ZNF451: variants seen among roughly 807,000 people sequenced by gnomAD.
ZNF451 encodes the protein zinc finger protein 451.
Under a neutral mutation model 107.1 loss-of-function variants are expected in ZNF451, and 80 were observed. The ratio of observed to expected loss-of-function variants is 0.75; its 90% CI spans 0.62 to 0.90. The LOEUF is 0.90. ZNF451 is among the 40% of genes least tolerant of loss of function. The probability of loss-of-function intolerance (pLI) is 0.00; values close to 1 mark genes in which losing one functional copy is unlikely to be tolerated. For synonymous variants in ZNF451, 362 were observed against 406.5 expected, an observed-to-expected ratio of 0.89 and a Z score of 1.32; for missense variants, 1,107 against 1,236.2, an observed-to-expected ratio of 0.90 and a Z score of 1.57.
At chr6:57,124,368 A>C in intron 3 of ZNF451, 1 of 706,254 alleles carries the variant, frequency 1.4e-6, no homozygotes, top group Non-Finnish European at 2.6e-6. Flanking sequence ...TCCTGCTAGA[A>C]GGTTTCTGCT....
In ZNF451 at chr6:57,148,664, T is replaced by C. The variant is rs747359026; in HGVS notation, c.2579T>C (p.Val860Ala). 1.2e-6 allele frequency: 2 copies of C among 1,612,198 alleles called. No individual in the cohort carries two copies. The highest frequency in any genetic ancestry group is 8.5e-7 in the Non-Finnish European group (1 of 1,179,264). The change falls in exon 10 of 15, where the codon GTT becomes GCT. Residue 860 changes from valine (V) to alanine (A), a missense_variant. By Grantham distance (64) the Val-to-Ala change is moderately conservative. Around this residue, in one of 5 missense-constraint regions of ZNF451, gnomAD observed 608 missense variants for 649.2 expected, o/e 0.94. Coordinates refer to ENST00000370706, the MANE Select transcript of ZNF451 (RefSeq NM_001031623.3). The stretch of plus-strand genomic sequence containing the variant: ...AAAAGTTTAGACATGGAGAAAGGAG[T>C]TGAGAATGACCTAAGCTATCAGAAT... ...YSKSLDMEKG[V>A]ENDLSYQNIE...
At chr6:57,118,118 C>T (rs1830458708) in intron 3 of ZNF451, among the ~76,000 whole-genome samples, 1 of 152,126 alleles carries the variant, frequency 6.6e-6, no homozygotes, top group Admixed American at 6.5e-5. Context: ...AAATTTTCTG[C>T]AGCTTCTAGT....
In ZNF451 at chr6:57,162,255, C is replaced by T. The variant is rs190865939; in HGVS notation, c.3139+1103C>T. On this transcript the variant is annotated intron_variant, in intron 14 of 14. Coordinates refer to ENST00000370706, the MANE Select transcript of ZNF451 (RefSeq NM_001031623.3). ...ACTAAACACACACAAACAGAATGGCCCAACTGGTATGTTTTCTTTGCATTT... is the reference window on the plus strand; with the variant it reads ...ACTAAACACACACAAACAGAATGGCTCAACTGGTATGTTTTCTTTGCATTT... 2.5e-3 allele frequency among the ~76,000 whole-genome samples: 380 copies of T among 152,182 alleles called. 6 individuals carry two copies. The highest frequency in any genetic ancestry group is 2.1e-4 in the Non-Finnish European group (14 of 68,002).
chr6:57,125,847 A>G (rs975985954), intron 4 of ZNF451, among the ~76,000 whole-genome samples: 1 of 152,136 alleles, frequency 6.6e-6, no homozygotes, highest in Non-Finnish European at 1.5e-5. Flanking sequence ...ATACACACAC[A>G]CATACACATA....
At chr6:57,108,886 T>C (rs1199910457) in intron 3 of ZNF451, 1 of 985,308 alleles carries the variant, frequency 1.0e-6, no homozygotes, top group Non-Finnish European at 1.2e-6. Context: ...AGCAACTTGC[T>C]CAGGTGGTGG....
chr6:57,159,314 AATG>A (rs1763564839), intron 13 of ZNF451: 1 of 985,250 alleles, frequency 1.0e-6, no homozygotes, highest in Non-Finnish European at 1.2e-6. Flanking sequence ...CCTTGCATGC[AATG>A]ATGAATTGTT....
At chr6:57,101,557 GC>G in intron 3 of ZNF451, 1 of 1,550,838 alleles carries the variant, frequency 6.4e-7, no homozygotes, top group Non-Finnish European at 8.7e-7. Context: ...GTTTTACCAC[GC>G]TGCCTCCATT....
At chr6:57,110,870 GT>G (rs1393643042) in intron 3 of ZNF451, among the ~76,000 whole-genome samples, 1 of 148,708 alleles carries the variant, frequency 6.7e-6, no homozygotes, top group African/African-American at 2.5e-5. Context: ...CGTTTTTTAA[GT>G]TTTTTTCCTT....
chr6:57,105,538 TAA>T (rs1829812708), intron 3 of ZNF451: 1 of 985,282 alleles, frequency 1.0e-6, no homozygotes, highest in Non-Finnish European at 1.2e-6. Flanking sequence ...TTCTGAATGT[TAA>T]TTTGTTTTCT....
At chr6:57,133,881 G>T (rs1390187711) in intron 6 of ZNF451, among the ~76,000 whole-genome samples, 3 of 152,212 alleles carry the variant, frequency 2.0e-5, no homozygotes, top group South Asian at 2.1e-4. Flanking sequence ...CTGCCATGTT[G>T]CCCAAGCTGG....
chr6:57,145,019 GT>G (rs1442756673), intron 9 of ZNF451, among the ~76,000 whole-genome samples: 1 of 152,162 alleles, frequency 6.6e-6, no homozygotes, highest in Non-Finnish European at 1.5e-5. Context: ...TTAGGGATTT[GT>G]ATTATTTTTT....
At chr6:57,161,478 G>C (rs576358254) in intron 14 of ZNF451, among the ~76,000 whole-genome samples, 1 of 152,028 alleles carries the variant, frequency 6.6e-6, no homozygotes, top group East Asian at 1.9e-4. Flanking sequence ...ACAGACAGTA[G>C]AGCCCCTCCA....
intron 14 of ZNF451, among the ~76,000 whole-genome samples, chr6:57,162,493 C>T (rs1425402169): frequency 2.6e-5 from 4 of 152,186 alleles, no homozygotes; most frequent in Non-Finnish European, 5.9e-5. Flanking sequence ...GTGTTTTGAC[C>T]AACTTGTTTT....
intron 7 of ZNF451, among the ~76,000 whole-genome samples, chr6:57,138,788 T>TA (rs1180236406): frequency 1.1e-5 from 1 of 91,816 alleles, no homozygotes. Flanking sequence ...TATATATATA[T>TA]AAAATTTTTT....
intron 14 of ZNF451, among the ~76,000 whole-genome samples, chr6:57,163,972 C>T (rs966555377): frequency 3.3e-5 from 5 of 152,216 alleles, no homozygotes; most frequent in African/African-American, 1.2e-4. Context: ...TTTATTCCTT[C>T]CTTTCCCAGT....
intron 5 of ZNF451, among the ~76,000 whole-genome samples, 159 bp downstream of exon 5, chr6:57,128,999 G>C (rs904501311): frequency 6.6e-6 from 1 of 152,092 alleles, no homozygotes; most frequent in African/African-American, 2.4e-5. Context: ...ATAATGGCCT[G>C]CTTTGCCCAT....
chr6:57,121,192 T>G (rs1830620698), intron 3 of ZNF451, among the ~76,000 whole-genome samples: 1 of 152,186 alleles, frequency 6.6e-6, no homozygotes, highest in South Asian at 2.1e-4. Context: ...ATCAGTTGAC[T>G]TTATTTATGT....
intron 3 of ZNF451, chr6:57,109,303 AT>A (rs34845247): frequency 0.092 from 52,188 of 565,670 alleles, 1,229 homozygotes; most frequent in East Asian, 0.42. Context: ...ATATACACAC[AT>A]TTTTTTTTTT....
chr6:57,101,178 C>T, intron 3 of ZNF451: 1 of 1,550,714 alleles, frequency 6.4e-7, no homozygotes, highest in Non-Finnish European at 8.7e-7. Context: ...CTGACCCCAG[C>T]CAATCTAGTT....
Sources: allele counts gnomAD v4.1 joint callset (sites outside exome capture counted in the v4.1 genomes callset), GRCh38; gene constraint gnomAD v4.1.1; regional missense constraint gnomAD v4.1.1; transcripts MANE v1.5; gene names NCBI Gene and HGNC (gene_info 2026-07-23, HGNC 2026-07-21).